The following RBSN variants were observed in gnomAD, a reference collection of about 807,000 sequenced individuals.
RBSN encodes rabenosyn, RAB effector, also known as rabenosyn-5.
Under a neutral mutation model 60.5 loss-of-function variants are expected in RBSN, and 34 were observed. The ratio of observed to expected loss-of-function variants is 0.56; its 90% CI spans 0.43 to 0.75. RBSN has a LOEUF of 0.75. Ranked by LOEUF, RBSN falls within the 30% of genes least tolerant of loss-of-function variation. RBSN has a pLI of 0.00. For missense variants in RBSN, 845 were observed against 986.8 expected, an observed-to-expected ratio of 0.86 and a Z score of 1.92; for synonymous variants, 322 against 366.9, an observed-to-expected ratio of 0.88 and a Z score of 1.40.
At chr3:15,093,419 T>C (rs1010404424) in intron 4 of RBSN, among the ~76,000 whole-genome samples, 1 of 152,192 alleles carries the variant, frequency 6.6e-6, no homozygotes, top group African/African-American at 2.4e-5. Flanking sequence ...GAGGATCTTT[T>C]CTTTCTTTTT....
intron 13 of RBSN, chr3:15,075,171 T>G: frequency 5.1e-6 from 3 of 582,672 alleles, no homozygotes; most frequent in Non-Finnish European, 9.1e-6. Flanking sequence ...ATTTTCTCAA[T>G]CTTAGATTCA....
chr3:15,074,687 T>C lies in RBSN; in HGVS notation c.1450A>G (p.Thr484Ala), dbSNP rs749764896. 6.2e-7 allele frequency: 1 copy of C among 1,614,198 alleles called. No individual in the cohort carries two copies. The highest frequency in any genetic ancestry group is 8.5e-7 in the Non-Finnish European group (1 of 1,180,044). Residue 484 changes from threonine to alanine, a missense_variant, in exon 14 of 14, where the codon ACT (threonine) becomes GCT (alanine). Transcript: ENST00000253699. The surrounding 1 kb of genome is among the most constrained non-coding windows in gnomAD (Gnocchi z 6.4). ...AGCTGCCGCAGGTTCTCCTGCAGAG[T>C]GCGCACTTCATCCATGCGGCCCGCG... is the stretch of plus-strand genomic sequence containing the variant. ...KAAGRMDEVR[T>A]LQENLRQLQD... is the part of the protein sequence containing the mutation.
intron 1 of RBSN, among the ~76,000 whole-genome samples, 174 bp from the exon 2 acceptor site, chr3:15,098,448 T>A (rs1177077296): frequency 3.8e-4 from 27 of 70,466 alleles, no homozygotes; most frequent in South Asian, 1.1e-3. Context: ...CTAAATCACG[T>A]AAAAAGTAAA....
At chr3:15,090,143 C>T (rs1454661870) in intron 5 of RBSN, among the ~76,000 whole-genome samples, 1 of 152,074 alleles carries the variant, frequency 6.6e-6, no homozygotes, top group Non-Finnish European at 1.5e-5. Context: ...ACTGTTTGTC[C>T]CTGGGCAGGT....
At position 15,096,106 on chromosome 3, in the gene RBSN, G is replaced by A. The variant is rs753112719; in HGVS notation, c.15C>T (p.Asp5=). The change falls in exon 4 of 14, where the codon GAC becomes GAT. Residue 5 remains aspartate, a synonymous_variant. Transcript: ENST00000253699. MASL[D]DPGEVREGFL... ...AGCCCTCCCTCACTTCCCCTGGGTC[G>A]TCCAGAGAAGCCATGGCAGTGCCGC... 3.6e-5 allele frequency: 57 copies of A among 1,593,504 alleles called. No individual in the cohort carries two copies. Among genetic ancestry groups the A allele is most frequent in the South Asian group, 4.6e-5 (4 of 87,610 alleles).
intron 5 of RBSN, 144 bp from the exon 6 acceptor site, chr3:15,086,105 A>AG (rs1699174652): frequency 4.1e-6 from 2 of 492,376 alleles, no homozygotes; most frequent in East Asian, 7.2e-5. Flanking sequence ...AAAAAAAAAA[A>AG]AAAAAAAAAT....
chr3:15,087,001 C>T (rs1359782979), intron 5 of RBSN, among the ~76,000 whole-genome samples: 1 of 152,192 alleles, frequency 6.6e-6, no homozygotes, highest in East Asian at 1.9e-4. Flanking sequence ...TATAATGTAA[C>T]AGAATTTGTC....
At chr3:15,076,840 A>C (rs1430105964) in intron 12 of RBSN, among the ~76,000 whole-genome samples, 1 of 152,254 alleles carries the variant, frequency 6.6e-6, no homozygotes, top group African/African-American at 2.4e-5. Flanking sequence ...AACATACCAG[A>C]ATAATGAGTG....
intron 4 of RBSN, chr3:15,091,245 T>TAAAAAAAA (rs2043509303): frequency 4.7e-6 from 1 of 214,246 alleles, no homozygotes; most frequent in Non-Finnish European, 6.9e-6. Context: ...AAATTAAAAC[T>TAAAAAAAA]ATACCTCAGT....
At chr3:15,094,897 T>A (rs910683426) in intron 4 of RBSN, among the ~76,000 whole-genome samples, 3 of 152,222 alleles carry the variant, frequency 2.0e-5, no homozygotes, top group African/African-American at 7.2e-5. Context: ...CAATAAAGAC[T>A]TTGAATACAA....
chr3:15,074,942 G>C lies in RBSN; in HGVS notation c.1207-12C>G. On this transcript the variant is annotated splice_polypyrimidine_tract_variant and intron_variant, in intron 13 of 13. Coordinates refer to ENST00000253699, the MANE Select transcript of RBSN (RefSeq NM_022340.4). The surrounding 1 kb of genome is among the most constrained non-coding windows in gnomAD (Gnocchi z 6.4). Reference sequence around the variant, plus strand: ...GACTCCAGGGCAGCCTGGGGAGAGAGCAAAGCAGAGAGAAGAAACAGTCAC... The same window carrying C: ...GACTCCAGGGCAGCCTGGGGAGAGACCAAAGCAGAGAGAAGAAACAGTCAC... 6.3e-7 allele frequency: 1 copy of C among 1,594,526 alleles called. No homozygotes were observed. The highest frequency in any genetic ancestry group is 8.5e-7 in the Non-Finnish European group (1 of 1,172,156).
chr3:15,080,868 G>A, intron 9 of RBSN, 66 bp from the exon 10 acceptor site: 3 of 1,292,344 alleles, frequency 2.3e-6, no homozygotes, highest in Non-Finnish European at 1.1e-6. Flanking sequence ...CAGAAGCTAG[G>A]CTCCATCAAT....
At chr3:15,090,814 C>T (rs1032701990) in intron 4 of RBSN, among the ~76,000 whole-genome samples, 3 of 152,074 alleles carry the variant, frequency 2.0e-5, no homozygotes, top group Admixed American at 2.0e-4. Flanking sequence ...AATTTAAGAG[C>T]ACAATTAAAT....
At chr3:15,086,773 T>C (rs750955876) in intron 5 of RBSN, among the ~76,000 whole-genome samples, 1 of 152,220 alleles carries the variant, frequency 6.6e-6, no homozygotes, top group Non-Finnish European at 1.5e-5. Flanking sequence ...AAAATGTAAA[T>C]GCTGGTAGAT....
chr3:15,084,765 A>T lies in RBSN; in HGVS notation c.568T>A (p.Cys190Ser). The change falls in exon 8 of 14, where the codon TGT becomes AGT. Residue 190 changes from cysteine (C) to serine (S), a missense_variant. By Grantham distance (112) the Cys-to-Ser change is moderately radical. Coordinates refer to ENST00000253699, the MANE Select transcript of RBSN (RefSeq NM_022340.4). The surrounding 1 kb of genome is among the most constrained non-coding windows in gnomAD (Gnocchi z 4.2). ...AAGGGAAGGCTGATGAGCTCCATACACTTCTTGCACATAATAGACCCGCAG... is the reference window on the plus strand; with the variant it reads ...AAGGGAAGGCTGATGAGCTCCATACTCTTCTTGCACATAATAGACCCGCAG... ...RLCGSIMCKKCMELISLPLAN... is the reference protein window; with the variant it reads ...RLCGSIMCKKSMELISLPLAN... 2 of 1,612,116 alleles carry T rather than the reference A, an allele frequency of 1.2e-6. No homozygotes were observed. Among genetic ancestry groups the T allele is most frequent in the Non-Finnish European group, 1.7e-6 (2 of 1,179,354 alleles).
chr3:15,091,271 T>A, intron 4 of RBSN: 1 of 881,264 alleles, frequency 1.1e-6, no homozygotes, highest in Non-Finnish European at 1.4e-6. Flanking sequence ...TAATGTTTTT[T>A]AAAAAACAAG....
chr3:15,077,105 C>T lies in RBSN; in HGVS notation c.1058G>A (p.Arg353Gln), dbSNP rs756142668. Reference sequence around the variant, plus strand: ...TGAGTATCTGATCATTCTCTGCAGCCGCAAATTGCTTGGATGTGGTGGAGG... The same window carrying T: ...TGAGTATCTGATCATTCTCTGCAGCTGCAAATTGCTTGGATGTGGTGGAGG... Reference protein sequence around the residue: ...QDPPPHPSNLRLQRMIRYSAT... With the variant: ...QDPPPHPSNLQLQRMIRYSAT... The change falls in exon 12 of 14, where the codon CGG becomes CAG. Residue 353 changes from arginine (R) to glutamine (Q), a missense_variant. Arg to Gln is a conservative substitution (Grantham distance 43). Transcript: ENST00000253699. The surrounding 1 kb of genome is among the most constrained non-coding windows in gnomAD (Gnocchi z 4.4). 117 of 1,613,918 alleles carry T rather than the reference C, an allele frequency of 7.2e-5. No homozygotes were observed. Among genetic ancestry groups the T allele is most frequent in the Non-Finnish European group, 8.4e-5 (99 of 1,180,014 alleles).
rs145962043 is a variant in RBSN, at chr3:15,096,272, C to G, written c.-152G>C. The G allele has an allele frequency of 1.2e-5, 9 of 763,856 alleles. No individual in the cohort carries two copies. Among genetic ancestry groups the G allele is most frequent in the African/African-American group, 1.1e-4 (6 of 55,796 alleles). The allele number at this position is 763,856 out of a possible 1,614,324, so 47.3% of individuals were successfully genotyped here. A position where few individuals can be genotyped will look rare whatever the true frequency, so the allele number is the denominator to read the frequency against. ...CATGGCCCTGGATGAGGTTTCCTCT[C>G]TGGAGTAGGAGGAGCCCTAAGAAAG... is the stretch of plus-strand genomic sequence containing the variant. On this transcript the variant is annotated 5_prime_UTR_variant, in exon 4 of 14. Coordinates refer to ENST00000253699, the MANE Select transcript of RBSN (RefSeq NM_022340.4).
In RBSN at chr3:15,073,832, G is replaced by A; in HGVS notation, c.2305C>T (p.Leu769=). The A allele has an allele frequency of 6.2e-7, 1 of 1,613,478 alleles. No individual in the cohort carries two copies. Among genetic ancestry groups the A allele is most frequent in the East Asian group, 2.2e-5 (1 of 44,872 alleles). ...GCCAGGGTGTGCTTCAGCTCCCGCA[G>A]ATTCTCTGTCAGCACCTCTACCTCA... is the stretch of plus-strand genomic sequence containing the variant. ...LDEVEVLTEN[L]RELKHTLAKQ... is the part of the protein sequence containing the mutation. The change falls in exon 14 of 14, where the codon CTG becomes TTG. Residue 769 remains leucine, a synonymous_variant. Coordinates refer to ENST00000253699, the MANE Select transcript of RBSN (RefSeq NM_022340.4).
Sources: allele counts gnomAD v4.1 joint callset (sites outside exome capture counted in the v4.1 genomes callset), GRCh38; gene constraint gnomAD v4.1.1; non-coding constraint Gnocchi (gnomAD v3.1); transcripts MANE v1.5; gene names NCBI Gene and HGNC (gene_info 2026-07-23, HGNC 2026-07-21).